Variants in ATP13A4 observed in about 807,000 individuals in gnomAD.
ATP13A4 encodes the protein ATPase 13A4.
Under a neutral mutation model 142.5 loss-of-function variants are expected in ATP13A4, and 114 were observed. The observed-to-expected ratio is 0.80, with a 90% CI of 0.69 to 0.93. The LOEUF (loss-of-function observed/expected upper bound fraction) is 0.93, where lower values mean the gene tolerates loss of function less well. Ranked by LOEUF, ATP13A4 falls within the 40% of genes least tolerant of loss-of-function variation. The probability of loss-of-function intolerance (pLI) is 0.00; values close to 1 mark genes in which losing one functional copy is unlikely to be tolerated. For synonymous variants in ATP13A4, 488 were observed against 514.8 expected (o/e 0.95, Z 0.70); for missense variants, 1,392 against 1,454.0 (o/e 0.96, Z 0.69).
At chr3:193,474,435 C>G (rs1016375682) in intron 8 of ATP13A4, among the ~76,000 whole-genome samples, 1 of 150,452 alleles carries the variant, frequency 6.6e-6, no homozygotes, top group Non-Finnish European at 1.5e-5. Flanking sequence ...ACACTGGAAG[C>G]TGAGGTAGGA....
intron 1 of ATP13A4, among the ~76,000 whole-genome samples, chr3:193,541,373 G>A (rs942219580): frequency 3.3e-5 from 3 of 92,124 alleles, no homozygotes; most frequent in African/African-American, 9.9e-5. Context: ...TGTGATTATC[G>A]ATCACAGATT....
intron 29 of ATP13A4, chr3:193,403,813 A>G: frequency 5.1e-6 from 5 of 985,386 alleles, no homozygotes; most frequent in Non-Finnish European, 6.0e-6. Context: ...AAACAAAGAA[A>G]AAATATGGGA....
rs529931658 is a variant in ATP13A4 at position 193,517,509 on chromosome 3, T to C, written c.61-2638A>G. Among the ~76,000 whole-genome samples the C allele has an allele frequency of 3.6e-3, 543 of 152,244 alleles. 1 individual carries two copies. The highest frequency in any genetic ancestry group is 0.012 in the African/African-American group (479 of 41,550). ...ATTTTATTTTATTTTGAGACGGAGT[T>C]TCGCTCTGTCGCCCAGGCTGGAGTA... On this transcript the variant is annotated intron_variant, in intron 1 of 29. Transcript: ENST00000342695.
upstream of ATP13A4, among the ~76,000 whole-genome samples, chr3:193,556,215 G>A (rs991034321): frequency 3.3e-5 from 5 of 152,146 alleles, no homozygotes; most frequent in Admixed American, 6.5e-5. Context: ...AGACTTTTAA[G>A]AAAGAGTGCC....
At chr3:193,529,251 C>T (rs1722184472) in intron 1 of ATP13A4, among the ~76,000 whole-genome samples, 1 of 148,448 alleles carries the variant, frequency 6.7e-6, no homozygotes, top group Admixed American at 6.7e-5. Flanking sequence ...GACTGGGAGA[C>T]AGAGCAAGAC....
At chr3:193,405,193 T>C (rs1714435167) in intron 29 of ATP13A4, among the ~76,000 whole-genome samples, 1 of 152,194 alleles carries the variant, frequency 6.6e-6, no homozygotes, top group African/African-American at 2.4e-5. Flanking sequence ...GCAAATATGC[T>C]GAAAAAGGAA....
At chr3:193,481,119 CA>C (rs2108656382) in intron 8 of ATP13A4, among the ~76,000 whole-genome samples, 1 of 152,218 alleles carries the variant, frequency 6.6e-6, no homozygotes, top group East Asian at 1.9e-4. Flanking sequence ...TTTGGAGATT[CA>C]GGGGAAAGGG....
At chr3:193,586,090 TACACACACAC>T (rs60074904) in intron 1 of ATP13A4, among the ~76,000 whole-genome samples, 12,160 of 150,808 alleles carry the variant, frequency 0.081, 544 homozygotes, top group Admixed American at 0.13. Flanking sequence ...TATACACACA[TACACACACAC>T]ACACACACAC....
chr3:193,435,555 T>C, intron 24 of ATP13A4, 93 bp downstream of exon 24: 2 of 999,294 alleles, frequency 2.0e-6, no homozygotes, highest in Non-Finnish European at 3.2e-6. Context: ...GATATCCTAT[T>C]TGTACTCTTT....
intron 1 of ATP13A4, among the ~76,000 whole-genome samples, chr3:193,537,919 T>C (rs1722672745): frequency 6.6e-6 from 1 of 151,674 alleles, no homozygotes; most frequent in Non-Finnish European, 1.5e-5. Context: ...AAATAGAGAG[T>C]AGATGCATGT....
intron 1 of ATP13A4, chr3:193,554,135 AAG>A (rs1223113858): frequency 6.4e-6 from 1 of 155,464 alleles, no homozygotes; most frequent in Non-Finnish European, 1.4e-5. Context: ...TCTAAAATCA[AAG>A]AGATACTGAA....
At chr3:193,491,899 A>T (rs940612317) in intron 5 of ATP13A4, among the ~76,000 whole-genome samples, 1 of 152,206 alleles carries the variant, frequency 6.6e-6, no homozygotes, top group Non-Finnish European at 1.5e-5. Context: ...ATAGCTCTAC[A>T]CACATAATTA....
At chr3:193,433,467 G>T (rs1461004352) in intron 25 of ATP13A4, among the ~76,000 whole-genome samples, 1 of 152,068 alleles carries the variant, frequency 6.6e-6, no homozygotes, top group Non-Finnish European at 1.5e-5. Flanking sequence ...TAAGATTTAG[G>T]TATGAGAAAT....
intron 29 of ATP13A4, among the ~76,000 whole-genome samples, chr3:193,404,834 G>A (rs1030299073): frequency 6.6e-6 from 1 of 152,128 alleles, no homozygotes. Context: ...AGAAAAAAAC[G>A]AAAGCCTTAG....
intron 12 of ATP13A4, 114 bp from the exon 13 acceptor site, chr3:193,462,937 G>A (rs1718039328): frequency 1.9e-6 from 2 of 1,045,546 alleles, no homozygotes; most frequent in Non-Finnish European, 2.9e-6. Flanking sequence ...TTGAACTCAG[G>A]AGTTTAAGAC....
At chr3:193,575,738 G>A (rs71316206) in intron 2 of ATP13A4, among the ~76,000 whole-genome samples, 2,635 of 152,256 alleles carry the variant, frequency 0.017, 37 homozygotes, top group Middle Eastern at 0.058. Context: ...TTTGCTACCA[G>A]TATAGATAAC....
chr3:193,498,360 G>A (rs1720359946), intron 3 of ATP13A4, among the ~76,000 whole-genome samples: 1 of 151,958 alleles, frequency 6.6e-6, no homozygotes, highest in Admixed American at 6.6e-5. Context: ...AGGAAGTGAG[G>A]GTCTGAGACT....
chr3:193,465,432 C>T (rs985775200), intron 11 of ATP13A4, among the ~76,000 whole-genome samples: 2 of 152,202 alleles, frequency 1.3e-5, no homozygotes, highest in African/African-American at 4.8e-5. Context: ...AGGTGATCCA[C>T]CTGCCTTGGC....
intron 1 of ATP13A4, among the ~76,000 whole-genome samples, chr3:193,527,334 C>G (rs971275998): frequency 1.3e-5 from 2 of 152,128 alleles, no homozygotes; most frequent in Non-Finnish European, 2.9e-5. Flanking sequence ...CACTTCCTGA[C>G]TGGGTGCAGT....
Sources: allele counts gnomAD v4.1 joint callset (sites outside exome capture counted in the v4.1 genomes callset), GRCh38; gene constraint gnomAD v4.1.1; transcripts MANE v1.5; gene names NCBI Gene and HGNC (gene_info 2026-07-23, HGNC 2026-07-21).